Variants in EPHA6 observed in about 807,000 individuals in gnomAD.
EPHA6 encodes the protein EPH receptor A6.
A neutral mutation model predicts 112.0 loss-of-function variants in EPHA6; 50 were observed. That is an observed-to-expected ratio of 0.45 (90% CI 0.36 to 0.56). The LOEUF (loss-of-function observed/expected upper bound fraction) is 0.56. Ranked by LOEUF, EPHA6 falls within the 20% of genes least tolerant of loss-of-function variation. EPHA6 has a pLI of 0.00. For missense variants in EPHA6, 1,280 were observed against 1,417.4 expected (o/e 0.90, Z 1.56); for synonymous variants, 529 against 490.7 (o/e 1.08, Z -1.03).
intron 2 of EPHA6, among the ~76,000 whole-genome samples, chr3:96,981,810 C>G (rs1303527313): frequency 6.6e-6 from 1 of 152,092 alleles, no homozygotes; most frequent in Non-Finnish European, 1.5e-5. Context: ...GAAATTTATC[C>G]ATTTCTTCTA....
chr3:96,854,665 G>A (rs1209532488), intron 1 of EPHA6, among the ~76,000 whole-genome samples: 2 of 152,006 alleles, frequency 1.3e-5, no homozygotes, highest in Non-Finnish European at 2.9e-5. Flanking sequence ...TTGGAGTTTT[G>A]TAAATGAGAA....
chr3:97,322,023 T>C (rs928154168), intron 5 of EPHA6, among the ~76,000 whole-genome samples: 1 of 152,038 alleles, frequency 6.6e-6, no homozygotes, highest in Admixed American at 6.6e-5. Context: ...TGTTTCCAGG[T>C]CCTAGCTATG....
At chr3:97,196,975 T>G (rs1294146694) in intron 3 of EPHA6, among the ~76,000 whole-genome samples, 2 of 152,070 alleles carry the variant, frequency 1.3e-5, no homozygotes, top group African/African-American at 4.8e-5. Context: ...CAGTGATTAT[T>G]GCCTGGCTAC....
At chr3:97,627,821 A>T (rs529255121) in intron 13 of EPHA6, among the ~76,000 whole-genome samples, 4 of 152,106 alleles carry the variant, frequency 2.6e-5, no homozygotes, top group African/African-American at 9.6e-5. Flanking sequence ...TTAAATTTGA[A>T]GACCTTTTAA....
chr3:97,066,841 C>A (rs2046193611), intron 3 of EPHA6, among the ~76,000 whole-genome samples: 1 of 151,996 alleles, frequency 6.6e-6, no homozygotes, highest in Admixed American at 6.6e-5. Context: ...TGAGTATGCT[C>A]AGATGACTGT....
At chr3:96,840,292 C>A (rs2107319424) in intron 1 of EPHA6, among the ~76,000 whole-genome samples, 1 of 152,202 alleles carries the variant, frequency 6.6e-6, no homozygotes, top group East Asian at 1.9e-4. Context: ...AATATATACA[C>A]CTCTTGGGGG....
chr3:97,741,235 C>T (rs2035493965), intron 16 of EPHA6, among the ~76,000 whole-genome samples: 1 of 151,948 alleles, frequency 6.6e-6, no homozygotes, highest in African/African-American at 2.4e-5. Flanking sequence ...TGCCTGTGGT[C>T]CCAGCTACTC....
chr3:97,285,306 C>G (rs2080427089), intron 5 of EPHA6, among the ~76,000 whole-genome samples: 1 of 152,066 alleles, frequency 6.6e-6, no homozygotes, highest in African/African-American at 2.4e-5. Flanking sequence ...ATGTAACTAT[C>G]AAATATTAGA....
At chr3:97,465,452 A>T (rs1253374427) in intron 7 of EPHA6, among the ~76,000 whole-genome samples, 1 of 152,026 alleles carries the variant, frequency 6.6e-6, no homozygotes, top group Non-Finnish European at 1.5e-5. Context: ...GAAAAAATTG[A>T]TGGAGCCATA....
At chr3:97,689,885 A>G (rs1437045288) in intron 14 of EPHA6, among the ~76,000 whole-genome samples, 1 of 152,166 alleles carries the variant, frequency 6.6e-6, no homozygotes, top group African/African-American at 2.4e-5. Flanking sequence ...CACCCAACAC[A>G]TGGTCTTTTG....
chr3:97,660,120 G>A (rs905729027), intron 14 of EPHA6, among the ~76,000 whole-genome samples: 2 of 151,782 alleles, frequency 1.3e-5, no homozygotes, highest in African/African-American at 4.8e-5. Flanking sequence ...TTTTACTCTT[G>A]AAACCCTATA....
chr3:97,541,310 A>C (rs1348998136), intron 11 of EPHA6, among the ~76,000 whole-genome samples: 1 of 152,190 alleles, frequency 6.6e-6, no homozygotes, highest in African/African-American at 2.4e-5. Flanking sequence ...TAAAAATATT[A>C]CAGTTCTCAT....
intron 5 of EPHA6, among the ~76,000 whole-genome samples, chr3:97,378,011 C>T (rs983137574): frequency 9.2e-5 from 14 of 152,198 alleles, no homozygotes; most frequent in Admixed American, 6.5e-5. Flanking sequence ...CATTAATCCC[C>T]AAGACAATGG....
intron 1 of EPHA6, among the ~76,000 whole-genome samples, chr3:96,815,665 A>G (rs146325691): frequency 2.6e-5 from 4 of 152,244 alleles, no homozygotes; most frequent in Admixed American, 2.0e-4. Context: ...AAGTCAAGTC[A>G]CTGACAGATT....
At chr3:96,832,668 A>G (rs2034163957) in intron 1 of EPHA6, among the ~76,000 whole-genome samples, 1 of 152,070 alleles carries the variant, frequency 6.6e-6, no homozygotes, top group Non-Finnish European at 1.5e-5. Context: ...ATACACAATT[A>G]TTATGCTTTT....
intron 1 of EPHA6, among the ~76,000 whole-genome samples, chr3:96,845,830 G>A (rs1170893558): frequency 3.3e-5 from 5 of 151,762 alleles, no homozygotes; most frequent in Non-Finnish European, 5.9e-5. Flanking sequence ...TATAGGTCCG[G>A]GATATATTGT....
intron 5 of EPHA6, among the ~76,000 whole-genome samples, chr3:97,364,348 T>A (rs958828109): frequency 6.6e-6 from 1 of 151,620 alleles, no homozygotes; most frequent in Non-Finnish European, 1.5e-5. Context: ...GTTTTAGTTT[T>A]TTTTTTTTTT....
intron 3 of EPHA6, among the ~76,000 whole-genome samples, chr3:97,215,181 T>C (rs1451904368): frequency 6.6e-6 from 1 of 152,220 alleles, no homozygotes; most frequent in Non-Finnish European, 1.5e-5. Context: ...TTTCTCATGT[T>C]ATTTTTTTGT....
chr3:97,321,976 T>A (rs2082143231), intron 5 of EPHA6, among the ~76,000 whole-genome samples: 2 of 152,022 alleles, frequency 1.3e-5, no homozygotes, highest in African/African-American at 2.4e-5. Flanking sequence ...TGAGGTGTGG[T>A]GTGACTACAC....
Sources: gnomAD v4.1 joint callset for allele counts (sites outside exome capture counted in the v4.1 genomes callset) on GRCh38, gnomAD v4.1.1 for gene constraint, MANE v1.5 for transcripts, NCBI Gene and HGNC (gene_info 2026-07-23, HGNC 2026-07-21) for gene names.